CDK5RAP2: variants seen among roughly 807,000 people sequenced by gnomAD.
The protein encoded by CDK5RAP2 is CDK5 regulatory subunit associated protein 2.
In CDK5RAP2, 147 loss-of-function variants were observed where a neutral mutation model predicts 232.9. That is an observed-to-expected ratio of 0.63 (90% CI 0.55 to 0.72). CDK5RAP2 has a LOEUF of 0.72. Ranked by LOEUF, CDK5RAP2 falls within the 30% of genes least tolerant of loss-of-function variation. The pLI is 0.00. For synonymous variants in CDK5RAP2, 833 were observed against 833.7 expected (o/e 1.00, Z 0.01); for missense variants, 2,195 against 2,231.5 (o/e 0.98, Z 0.33).
chr9:120,429,771 T>C (rs1028256236), intron 25 of CDK5RAP2, among the ~76,000 whole-genome samples: 3 of 152,194 alleles, frequency 2.0e-5, no homozygotes, highest in Non-Finnish European at 4.4e-5. Context: ...TTAAAGTTCA[T>C]ATGGAACCAA....
intron 7 of CDK5RAP2, 50 bp from the exon 8 acceptor site, chr9:120,530,190 C>CCACTGAGCTA: frequency 1.4e-6 from 2 of 1,460,024 alleles, no homozygotes; most frequent in Non-Finnish European, 1.9e-6. Context: ...TCTCTTAGCT[C>CCACTGAGCTA]AGTGGAGCTG....
chr9:120,550,990 G>C, intron 3 of CDK5RAP2, 88 bp from the exon 4 acceptor site: 2 of 796,904 alleles, frequency 2.5e-6, no homozygotes, highest in Non-Finnish European at 4.5e-6. Flanking sequence ...TATGGATTAC[G>C]AGGCTACAAA....
Position 120,491,361 on chromosome 9 carries a change from C to T in CDK5RAP2, c.1428G>A (p.Glu476=), listed in dbSNP as rs1283777476. 3 of 1,613,304 alleles carry T rather than the reference C, an allele frequency of 1.9e-6. No homozygotes were observed. The African/African-American group carries it at 4.0e-5, about 22-fold the overall frequency. The change falls in exon 13 of 38, where the codon GAG becomes GAA. Residue 476 remains glutamate, a synonymous_variant. Transcript: ENST00000349780. ...SESNKKLHNQ[E]QVIKHLTEST... ...TTTCTGTTAGATGTTTGATCACTTG[C>T]TCTTGATTGTGCAATTTTTTATTGC...
At position 120,580,116 on chromosome 9, in the gene CDK5RAP2, A is replaced by C. The variant is rs539095432; in HGVS notation, c.-138T>G. ...GTTCAGACTCTGGCGGCGCCGCTGG[A>C]ATTCAAACCACAGACGCCGCCATCT... On this transcript the variant is annotated 5_prime_UTR_variant, in exon 1 of 38. The change creates a new upstream start codon in the 5' untranslated region. Coordinates refer to ENST00000349780, the MANE Select transcript of CDK5RAP2 (RefSeq NM_018249.6). 8.3e-5 allele frequency: 49 copies of C among 589,598 alleles called. 1 individual carries two copies. Among genetic ancestry groups the C allele is most frequent in the African/African-American group, 8.1e-4 (43 of 52,892 alleles). 36.5% of individuals were successfully genotyped at this position (589,598 alleles called of 1,614,324 possible).
intron 29 of CDK5RAP2, among the ~76,000 whole-genome samples, chr9:120,410,681 C>T (rs1172168193): frequency 6.6e-6 from 1 of 152,244 alleles, no homozygotes; most frequent in African/African-American, 2.4e-5. Flanking sequence ...CCAATTTCAT[C>T]TCTTAAGCCA....
chr9:120,565,039 A>G (rs1564384225), intron 3 of CDK5RAP2, among the ~76,000 whole-genome samples: 1 of 152,238 alleles, frequency 6.6e-6, no homozygotes, highest in East Asian at 1.9e-4. Context: ...TGAGGATATT[A>G]GACAATGGAT....
At chr9:120,465,201 A>G (rs2037306495) in intron 18 of CDK5RAP2, among the ~76,000 whole-genome samples, 1 of 152,154 alleles carries the variant, frequency 6.6e-6, no homozygotes, top group East Asian at 1.9e-4. Flanking sequence ...TGCTTTCTTT[A>G]CACAGAGCCT....
At chr9:120,448,204 G>A in intron 21 of CDK5RAP2, 78 bp from the exon 22 acceptor site, 3 of 1,249,032 alleles carry the variant, frequency 2.4e-6, no homozygotes, top group Non-Finnish European at 3.5e-6. Context: ...TCTCATGCCA[G>A]CCTTATAAAA....
At chr9:120,401,673 C>CA (rs1306982147) in intron 34 of CDK5RAP2, among the ~76,000 whole-genome samples, 1 of 122,242 alleles carries the variant, frequency 8.2e-6, no homozygotes, top group African/African-American at 3.0e-5. Context: ...ATCAAAGTAA[C>CA]AAAAAAATCA....
intron 5 of CDK5RAP2, 143 bp from the exon 6 acceptor site, chr9:120,539,307 T>C (rs1386419966): frequency 3.9e-6 from 4 of 1,023,810 alleles, no homozygotes; most frequent in African/African-American, 1.6e-5. Context: ...TTAATATTTA[T>C]CATTTAAAAA....
intron 17 of CDK5RAP2, 141 bp from the exon 18 acceptor site, chr9:120,468,138 A>C: frequency 1.3e-6 from 1 of 752,838 alleles, no homozygotes; most frequent in Non-Finnish European, 2.3e-6. Context: ...CCCTCAGGAT[A>C]CCCTGTGCAC....
At chr9:120,450,078 A>G (rs919097586) in intron 21 of CDK5RAP2, among the ~76,000 whole-genome samples, 4 of 152,246 alleles carry the variant, frequency 2.6e-5, no homozygotes, top group Non-Finnish European at 5.9e-5. Flanking sequence ...TAGCAACATT[A>G]TTTCTAATAA....
At chr9:120,465,960 C>A (rs541433889) in intron 18 of CDK5RAP2, among the ~76,000 whole-genome samples, 1 of 152,272 alleles carries the variant, frequency 6.6e-6, no homozygotes, top group Admixed American at 6.5e-5. Context: ...AGGAACACTT[C>A]CAAACGTTAA....
intron 8 of CDK5RAP2, 127 bp downstream of exon 8, chr9:120,529,851 G>T: frequency 1.1e-6 from 1 of 901,096 alleles, no homozygotes; most frequent in Non-Finnish European, 1.8e-6. Flanking sequence ...TCACTCCTCA[G>T]CTGACAGGGG....
chr9:120,508,836 A>G (rs1436814039), intron 12 of CDK5RAP2, among the ~76,000 whole-genome samples: 1 of 152,150 alleles, frequency 6.6e-6, no homozygotes, highest in African/African-American at 2.4e-5. Flanking sequence ...AGGACTTATC[A>G]TGCTATATTT....
At chr9:120,390,044 A>G (rs554247123) in intron 36 of CDK5RAP2, 3 of 506,094 alleles carry the variant, frequency 5.9e-6, no homozygotes, top group South Asian at 4.1e-5. Flanking sequence ...CAGAGGCTAC[A>G]GCATGCTATG....
At chr9:120,517,690 G>A (rs2040398624) in intron 12 of CDK5RAP2, 2 of 154,842 alleles carry the variant, frequency 1.3e-5, no homozygotes, top group Middle Eastern at 3.4e-3. Flanking sequence ...TCTTTCTGCA[G>A]AACAATTTGA....
intron 7 of CDK5RAP2, among the ~76,000 whole-genome samples, chr9:120,534,858 G>A (rs1455767936): frequency 6.6e-6 from 1 of 152,190 alleles, no homozygotes; most frequent in Non-Finnish European, 1.5e-5. Flanking sequence ...AAGCCCATAA[G>A]CCTTCTAAGG....
intron 12 of CDK5RAP2, among the ~76,000 whole-genome samples, chr9:120,495,641 C>T (rs2039155915): frequency 2.1e-5 from 2 of 96,024 alleles, no homozygotes; most frequent in Non-Finnish European, 4.2e-5. Flanking sequence ...CCACCCCGTC[C>T]GGGAGGGAGG....
Sources: gnomAD v4.1 joint callset for allele counts (sites outside exome capture counted in the v4.1 genomes callset) on GRCh38, gnomAD v4.1.1 for gene constraint, MANE v1.5 for transcripts, NCBI Gene and HGNC (gene_info 2026-07-23, HGNC 2026-07-21) for gene names.